Variants in TNRC6C observed in about 807,000 individuals in gnomAD.
The protein encoded by TNRC6C is trinucleotide repeat-containing gene 6C protein.
A neutral mutation model predicts 153.7 loss-of-function variants in TNRC6C; 20 were observed. The observed-to-expected ratio is 0.13, with a 90% CI of 0.09 to 0.19. TNRC6C has a LOEUF of 0.19. Among genes scored for constraint, TNRC6C ranks in the 10% least tolerant of loss-of-function variants. TNRC6C has a pLI of 1.00. For missense variants in TNRC6C, 1,987 were observed against 2,172.0 expected (o/e 0.91, Z 1.69); for synonymous variants, 811 against 841.4 (o/e 0.96, Z 0.63).
exon 20 of TNRC6C, chr17:78,105,799 A>G (rs2073684413): frequency 6.6e-6 from 1 of 152,104 alleles, no homozygotes; most frequent in Non-Finnish European, 1.5e-5. Context: ...ATTAGCTTCT[A>G]ACTTTGCACT....
intron 1 of TNRC6C, among the ~76,000 whole-genome samples, chr17:77,984,382 A>G (rs1224065057): frequency 6.6e-6 from 1 of 151,262 alleles, no homozygotes. Flanking sequence ...AAAAAAAAAC[A>G]GCCACGTGTG....
At chr17:77,970,965 T>G (rs2070936012) in intron 1 of TNRC6C, among the ~76,000 whole-genome samples, 1 of 152,000 alleles carries the variant, frequency 6.6e-6, no homozygotes, top group African/African-American at 2.4e-5. Flanking sequence ...GCTACGATCC[T>G]GCCACTACAC....
intron 13 of TNRC6C, among the ~76,000 whole-genome samples, chr17:78,087,563 A>G (rs1216293881): frequency 6.6e-6 from 1 of 152,160 alleles, no homozygotes; most frequent in East Asian, 1.9e-4. Context: ...CAAATCTCCA[A>G]AGTTTGTTCT....
chr17:78,060,833 T>C (rs1396665237), intron 3 of TNRC6C, among the ~76,000 whole-genome samples: 2 of 152,220 alleles, frequency 1.3e-5, no homozygotes, highest in African/African-American at 4.8e-5. Flanking sequence ...TATAATTAAT[T>C]TCTTATTTCA....
At position 78,045,737 on chromosome 17, in the gene TNRC6C, C is replaced by T. The variant is rs6502003; in HGVS notation, c.-218-3108C>T. Reference sequence around the variant, plus strand: ...ACCTTCAGAAATTAGACACTTAATTCAGGGATCAGATGGGTTTTTAATCAG... The same window carrying T: ...ACCTTCAGAAATTAGACACTTAATTTAGGGATCAGATGGGTTTTTAATCAG... On this transcript the variant is annotated intron_variant, in intron 2 of 19. Coordinates refer to ENST00000301624, the Ensembl canonical transcript of TNRC6C. Among the ~76,000 whole-genome samples, 942 of 152,278 alleles carry T rather than the reference C, an allele frequency of 6.2e-3. 9 individuals carry two copies. Among genetic ancestry groups the T allele is most frequent in the African/African-American group, 0.021 (891 of 41,538 alleles).
chr17:78,069,209 T>TAA (rs111485330), intron 5 of TNRC6C, among the ~76,000 whole-genome samples: 1 of 150,004 alleles, frequency 6.7e-6, no homozygotes, highest in South Asian at 2.1e-4. Context: ...GAAACTGATT[T>TAA]AAAAAAAAAA....
chr17:77,996,501 T>G (rs1042890550), intron 1 of TNRC6C, among the ~76,000 whole-genome samples: 2 of 152,094 alleles, frequency 1.3e-5, no homozygotes, highest in African/African-American at 4.8e-5. Flanking sequence ...CAATTCAGAG[T>G]TCCTATTCCA....
chr17:78,068,687 G>C (rs557792970), intron 5 of TNRC6C, among the ~76,000 whole-genome samples: 1 of 152,206 alleles, frequency 6.6e-6, no homozygotes, highest in Admixed American at 6.5e-5. Flanking sequence ...CCAGCTACTC[G>C]GGAGGCTGAG....
intron 17 of TNRC6C, among the ~76,000 whole-genome samples, chr17:78,101,179 C>T (rs1269434276): frequency 8.5e-5 from 13 of 152,164 alleles, no homozygotes; most frequent in Admixed American, 7.2e-4. Flanking sequence ...TTTCTTCTGC[C>T]AGATACCCTC....
intron 4 of TNRC6C, among the ~76,000 whole-genome samples, chr17:78,067,269 C>T (rs2072900167): frequency 6.6e-6 from 1 of 152,058 alleles, no homozygotes. Context: ...TCACTTGAGC[C>T]CAGGAGTTTG....
At chr17:77,996,186 G>A (rs766611154) in intron 1 of TNRC6C, among the ~76,000 whole-genome samples, 2 of 152,142 alleles carry the variant, frequency 1.3e-5, no homozygotes, top group East Asian at 1.9e-4. Flanking sequence ...AAGACAAATC[G>A]TAATCAAATA....
At chr17:78,086,709 C>A in intron 12 of TNRC6C, 123 bp downstream of exon 14, 1 of 1,561,834 alleles carries the variant, frequency 6.4e-7, no homozygotes, top group Non-Finnish European at 8.8e-7. Flanking sequence ...TTTGAAAATT[C>A]CTGGGTTCAG....
At chr17:77,983,099 G>T (rs140907463) in intron 1 of TNRC6C, among the ~76,000 whole-genome samples, 1 of 152,280 alleles carries the variant, frequency 6.6e-6, no homozygotes, top group African/African-American at 2.4e-5. Context: ...TGAATATGGC[G>T]TAAATTCACA....
At chr17:78,033,069 A>G (rs1036155949) in intron 2 of TNRC6C, among the ~76,000 whole-genome samples, 1 of 152,250 alleles carries the variant, frequency 6.6e-6, no homozygotes, top group African/African-American at 2.4e-5. Context: ...CAAGGATTCT[A>G]TAGTTAGACC....
In TNRC6C at chr17:78,079,534, C is replaced by A. The variant is rs752813648; in HGVS notation, c.3350C>A (p.Ser1117Tyr). 1.9e-5 allele frequency: 30 copies of A among 1,613,874 alleles called. No individual in the cohort carries two copies. Among genetic ancestry groups the A allele is most frequent in the Non-Finnish European group, 2.2e-5 (26 of 1,179,868 alleles). Residue 1117 changes from serine to tyrosine, a missense_variant, in exon 10 of 20, where the codon TCC becomes TAC. Physicochemically the swap from Ser to Tyr is moderately radical, Grantham distance 144 (BLOSUM62 -2). Coordinates refer to ENST00000301624, the Ensembl canonical transcript of TNRC6C. This position sits in a 1 kb window ranked among gnomAD's most constrained non-coding sequence, Gnocchi z 4.3. ...CGTGCTCAAGTGCCTCAGTTTCTAT[C>A]CCCTCAGGTCAGACCCACATCCAAG...
At chr17:77,994,635 T>A (rs982037478) in intron 1 of TNRC6C, among the ~76,000 whole-genome samples, 4 of 152,188 alleles carry the variant, frequency 2.6e-5, no homozygotes, top group African/African-American at 9.7e-5. Flanking sequence ...CCAACGCTTA[T>A]ATGGTGCTGG....
chr17:78,015,218 C>T (rs75041193), intron 1 of TNRC6C, among the ~76,000 whole-genome samples: 6,125 of 152,090 alleles, frequency 0.04, 382 homozygotes, highest in African/African-American at 0.14. Flanking sequence ...CTTTATCTTA[C>T]AAAAGCTTGT....
intron 5 of TNRC6C, among the ~76,000 whole-genome samples, chr17:78,069,914 A>C (rs1392829443): frequency 6.6e-6 from 1 of 152,196 alleles, no homozygotes; most frequent in East Asian, 1.9e-4. Flanking sequence ...AATTCTCTGG[A>C]AGGGCAAATA....
exon 20 of TNRC6C, chr17:78,106,581 A>G (rs1455079921): frequency 6.6e-6 from 1 of 151,782 alleles, no homozygotes; most frequent in Non-Finnish European, 1.5e-5. Context: ...GAGGAAAAAA[A>G]AACACAAAGA....
Sources: gnomAD v4.1 joint callset for allele counts (sites outside exome capture counted in the v4.1 genomes callset) on GRCh38, gnomAD v4.1.1 for gene constraint, Gnocchi (gnomAD v3.1) non-coding constraint, MANE v1.5 for transcripts, NCBI Gene and HGNC (gene_info 2026-07-23, HGNC 2026-07-21) for gene names.